The following PTPRD variants were observed in gnomAD, a reference collection of about 807,000 sequenced individuals.
The protein encoded by PTPRD is receptor-type tyrosine-protein phosphatase delta.
In PTPRD, 34 loss-of-function variants were observed where a neutral mutation model predicts 214.5. The observed-to-expected ratio is 0.16, with a 90% CI of 0.12 to 0.21. PTPRD has a LOEUF of 0.21. Ranked by LOEUF, PTPRD falls within the 10% of genes least tolerant of loss-of-function variation. The probability of loss-of-function intolerance (pLI) is 1.00; values close to 1 mark genes in which losing one functional copy is unlikely to be tolerated. For missense variants in PTPRD, 2,545 were observed against 2,398.7 expected (o/e 1.06, Z -1.27); for synonymous variants, 1,128 against 845.7 (o/e 1.33, Z -5.79).
At chr9:10,490,129 G>C (rs1016345714) in intron 2 of PTPRD, among the ~76,000 whole-genome samples, 2 of 152,110 alleles carry the variant, frequency 1.3e-5, no homozygotes, top group Non-Finnish European at 2.9e-5. Flanking sequence ...AGGCTTAATT[G>C]TTTAAGTGAT....
At chr9:10,588,545 C>A (rs1465663754) in intron 2 of PTPRD, among the ~76,000 whole-genome samples, 1 of 151,582 alleles carries the variant, frequency 6.6e-6, no homozygotes, top group Non-Finnish European at 1.5e-5. Context: ...AGAACTCATA[C>A]TATTGATATT....
chr9:10,160,973 C>G (rs1229625051), intron 3 of PTPRD, among the ~76,000 whole-genome samples: 2 of 151,592 alleles, frequency 1.3e-5, no homozygotes, highest in African/African-American at 2.4e-5. Context: ...TTTGCAGTAG[C>G]TACAAAGAAT....
intron 10 of PTPRD, among the ~76,000 whole-genome samples, chr9:9,071,833 T>C (rs1204252670): frequency 1.3e-5 from 2 of 152,176 alleles, no homozygotes; most frequent in African/African-American, 4.8e-5. Context: ...AATTTTGTGG[T>C]AATTTGTTAC....
chr9:8,660,208 C>A (rs952775677), intron 12 of PTPRD, among the ~76,000 whole-genome samples: 5 of 151,438 alleles, frequency 3.3e-5, no homozygotes, highest in African/African-American at 1.2e-4. Flanking sequence ...TCTTGTCTTA[C>A]ACAGGCACAT....
At chr9:10,327,400 T>C (rs1466753910) in intron 3 of PTPRD, among the ~76,000 whole-genome samples, 7 of 151,542 alleles carry the variant, frequency 4.6e-5, no homozygotes, top group Non-Finnish European at 1.0e-4. Flanking sequence ...AATGTATGTG[T>C]TTCCACATAC....
chr9:10,205,186 T>C (rs59103364), intron 3 of PTPRD, among the ~76,000 whole-genome samples: 6,453 of 152,128 alleles, frequency 0.042, 161 homozygotes, highest in Middle Eastern at 0.078. Context: ...TGAATTTTTC[T>C]CATCTTTCTT....
At chr9:9,935,324 C>A (rs955518504) in intron 5 of PTPRD, among the ~76,000 whole-genome samples, 14 of 152,114 alleles carry the variant, frequency 9.2e-5, no homozygotes, top group African/African-American at 3.1e-4. Flanking sequence ...ATCTAGAAAA[C>A]CCCATCATCG....
At chr9:9,624,180 G>T (rs1206069751) in intron 7 of PTPRD, among the ~76,000 whole-genome samples, 2 of 151,946 alleles carry the variant, frequency 1.3e-5, no homozygotes, top group Admixed American at 1.3e-4. Flanking sequence ...ATCTTACATT[G>T]TATTATTTTT....
At chr9:9,839,003 G>A (rs559045168) in intron 5 of PTPRD, among the ~76,000 whole-genome samples, 58 of 152,140 alleles carry the variant, frequency 3.8e-4, no homozygotes, top group African/African-American at 1.4e-3. Flanking sequence ...AGTTTTCCCA[G>A]CACCATTTAT....
chr9:9,919,363 G>C (rs1250054981), intron 5 of PTPRD, among the ~76,000 whole-genome samples: 1 of 152,032 alleles, frequency 6.6e-6, no homozygotes, highest in Non-Finnish European at 1.5e-5. Flanking sequence ...CTTTGGGCAG[G>C]AATCAAAGTC....
intron 3 of PTPRD, among the ~76,000 whole-genome samples, chr9:10,221,029 A>C: frequency 6.6e-6 from 1 of 152,004 alleles, no homozygotes. Context: ...CGAGGAAGAA[A>C]AGTTTTACTA....
intron 10 of PTPRD, among the ~76,000 whole-genome samples, chr9:9,178,158 C>T (rs953316421): frequency 6.6e-6 from 1 of 151,870 alleles, no homozygotes; most frequent in South Asian, 2.1e-4. Flanking sequence ...GAGGTTTATG[C>T]TTAGTTTAAT....
intron 7 of PTPRD, among the ~76,000 whole-genome samples, chr9:9,677,051 C>A (rs1237870226): frequency 1.3e-5 from 2 of 151,994 alleles, no homozygotes. Flanking sequence ...GAGTAGGTTG[C>A]AAAAATTTTC....
In PTPRD at chr9:8,713,296, C is replaced by A; in HGVS notation, c.64+20484G>T. On this transcript the variant is annotated intron_variant, in intron 12 of 45. Coordinates refer to ENST00000381196, the MANE Select transcript of PTPRD (RefSeq NM_002839.4). ...CTGAGCTTTTGCGGGTGGCGGCGAGCGCGGAGAGGACGCCATGAAGGCCTC... is the reference window on the plus strand; with the variant it reads ...CTGAGCTTTTGCGGGTGGCGGCGAGAGCGGAGAGGACGCCATGAAGGCCTC... The A allele has an allele frequency of 5.6e-6, 4 of 716,258 alleles. No individual in the cohort carries two copies. The South Asian group carries it at 6.1e-5, about 11-fold the overall frequency. 44.4% of individuals were successfully genotyped at this position (716,258 alleles called of 1,614,324 possible).
intron 7 of PTPRD, among the ~76,000 whole-genome samples, chr9:9,734,184 C>G (rs1446710200): frequency 6.6e-6 from 1 of 152,124 alleles, no homozygotes; most frequent in African/African-American, 2.4e-5. Flanking sequence ...TGCATTTGAT[C>G]TATTTTTAAA....
intron 3 of PTPRD, among the ~76,000 whole-genome samples, chr9:10,274,485 G>T (rs991859231): frequency 6.6e-6 from 1 of 152,130 alleles, no homozygotes; most frequent in African/African-American, 2.4e-5. Context: ...GGAGAATTTG[G>T]TTTGCGCTAG....
intron 8 of PTPRD, among the ~76,000 whole-genome samples, chr9:9,491,113 C>T (rs1017076969): frequency 6.6e-6 from 1 of 151,760 alleles, no homozygotes; most frequent in Non-Finnish European, 1.5e-5. Flanking sequence ...AAAAACATTT[C>T]ATGCAAATAG....
At chr9:10,449,292 G>A (rs1336955423) in intron 2 of PTPRD, among the ~76,000 whole-genome samples, 1 of 151,852 alleles carries the variant, frequency 6.6e-6, no homozygotes, top group African/African-American at 2.4e-5. Context: ...CTGCCCACCT[G>A]GGCCTCCCGA....
chr9:9,157,713 T>C (rs2099882466), intron 10 of PTPRD, among the ~76,000 whole-genome samples: 1 of 152,234 alleles, frequency 6.6e-6, no homozygotes, highest in South Asian at 2.1e-4. Flanking sequence ...TTCTTTTTTT[T>C]TCTTTCAACT....
Sources: allele counts gnomAD v4.1 joint callset (sites outside exome capture counted in the v4.1 genomes callset), GRCh38; gene constraint gnomAD v4.1.1; transcripts MANE v1.5; gene names NCBI Gene and HGNC (gene_info 2026-07-23, HGNC 2026-07-21).